The following PCNX1 variants were observed in gnomAD, a reference collection of about 807,000 sequenced individuals.
PCNX1 encodes pecanex 1, also known as pecanex-like protein 1.
Under a neutral mutation model 242.2 loss-of-function variants are expected in PCNX1, and 78 were observed. The ratio of observed to expected loss-of-function variants is 0.32; its 90% CI spans 0.27 to 0.39. The LOEUF is 0.39. PCNX1 is among the 10% of genes least tolerant of loss of function. PCNX1 has a pLI of 1.00. For synonymous variants in PCNX1, 1,024 were observed against 1,032.9 expected, an observed-to-expected ratio of 0.99 and a Z score of 0.17; for missense variants, 2,581 against 2,856.5, an observed-to-expected ratio of 0.90 and a Z score of 2.20.
intron 1 of PCNX1, among the ~76,000 whole-genome samples, chr14:70,935,229 T>C (rs1351856194): frequency 6.6e-6 from 1 of 152,214 alleles, no homozygotes; most frequent in Non-Finnish European, 1.5e-5. Flanking sequence ...GTTCAAAGTC[T>C]TTTCTCTGTT....
chr14:70,976,292 A>G (rs2058683263), intron 5 of PCNX1, among the ~76,000 whole-genome samples: 2 of 152,036 alleles, frequency 1.3e-5, no homozygotes, highest in Admixed American at 1.3e-4. Flanking sequence ...TTACCAAGTT[A>G]GTAAGTTGGA....
rs1595530746 is a variant in PCNX1 at position 71,111,632 on chromosome 14, T to C, written c.*1697T>C. 1 of 152,144 alleles carries C rather than the reference T, an allele frequency of 6.6e-6. No individual in the cohort carries two copies. Among genetic ancestry groups the C allele is most frequent in the Non-Finnish European group, 1.5e-5 (1 of 67,972 alleles). The allele number at this position is 152,144 out of a possible 1,614,324, so 9.4% of individuals were successfully genotyped here. ...TAGATCTCACATTATAGCATAACAT[T>C]ACAGTAGAAGGAATGAAAACTAAGA... On this transcript the variant is annotated 3_prime_UTR_variant, in exon 36 of 36. Coordinates refer to ENST00000304743, the MANE Select transcript of PCNX1 (RefSeq NM_014982.3).
intron 1 of PCNX1, among the ~76,000 whole-genome samples, chr14:70,913,869 T>C (rs913167588): frequency 3.3e-5 from 5 of 152,228 alleles, no homozygotes; most frequent in African/African-American, 9.6e-5. Context: ...ATTGTACATA[T>C]GATTTTTAAG....
At chr14:70,962,856 C>G (rs1219978332) in intron 3 of PCNX1, among the ~76,000 whole-genome samples, 2 of 152,174 alleles carry the variant, frequency 1.3e-5, no homozygotes, top group African/African-American at 4.8e-5. Context: ...CTCTAGTCCT[C>G]TTATTCATCC....
intron 1 of PCNX1, among the ~76,000 whole-genome samples, chr14:70,936,639 A>G (rs755029306): frequency 6.6e-6 from 1 of 152,238 alleles, no homozygotes; most frequent in Non-Finnish European, 1.5e-5. Context: ...TCATTTGGCT[A>G]AGTACCCAGT....
chr14:71,063,429 C>T (rs2061371866), intron 26 of PCNX1, among the ~76,000 whole-genome samples: 2 of 152,164 alleles, frequency 1.3e-5, no homozygotes, highest in South Asian at 4.1e-4. Flanking sequence ...ACCTATCACA[C>T]ACAGCAATTA....
intron 5 of PCNX1, among the ~76,000 whole-genome samples, chr14:70,973,018 A>G (rs1018992308): frequency 6.6e-6 from 1 of 152,140 alleles, no homozygotes; most frequent in East Asian, 1.9e-4. Context: ...TCGAGAGGCC[A>G]AGGTGGGAGT....
At chr14:70,999,939 T>TTAGATCTCTAAGTAAGGGATCCCTAA in intron 8 of PCNX1, among the ~76,000 whole-genome samples, 1 of 152,316 alleles carries the variant, frequency 6.6e-6, no homozygotes, top group Middle Eastern at 3.4e-3. Context: ...GTCAGAGGAC[T>TTAGATCTCTAAGTAAGGGATCCCTAA]GTAAGGGATC....
At chr14:70,956,297 C>CT (rs1177886722) in intron 2 of PCNX1, among the ~76,000 whole-genome samples, 1 of 152,116 alleles carries the variant, frequency 6.6e-6, no homozygotes, top group Admixed American at 6.6e-5. Context: ...ATTCCCAGCA[C>CT]TTTGGGAGGC....
In PCNX1 at chr14:71,051,982, G is replaced by T; in HGVS notation, c.4547G>T (p.Arg1516Leu). The change falls in exon 24 of 36, where the codon CGA (arginine) becomes CTA (leucine). Residue 1516 changes from arginine (R) to leucine (L), a missense_variant. Arg to Leu is a moderately radical substitution (Grantham distance 102). Around this residue, in one of 9 missense-constraint regions of PCNX1, gnomAD observed 99 missense variants for 147.3 expected, o/e 0.67. Coordinates refer to ENST00000304743, the MANE Select transcript of PCNX1 (RefSeq NM_014982.3). ...GCAATATTCATCACTTCATATGTCC[G>T]ACCTGTGAAATTCTGGGAGAGAGAC... ...GSAIFITSYV[R>L]PVKFWERDYN... is the part of the protein sequence containing the mutation. The T allele has an allele frequency of 1.2e-6, 2 of 1,613,074 alleles. No homozygotes were observed. Among genetic ancestry groups the T allele is most frequent in the South Asian group, 2.2e-5 (2 of 90,986 alleles).
chr14:70,967,376 T>C (rs2058412092), intron 3 of PCNX1, among the ~76,000 whole-genome samples: 1 of 152,252 alleles, frequency 6.6e-6, no homozygotes, highest in South Asian at 2.1e-4. Context: ...TTTTCTTCTT[T>C]GAATCCATGA....
chr14:70,970,098 G>C (rs2058496564), intron 5 of PCNX1: 1 of 152,250 alleles, frequency 6.6e-6, no homozygotes, highest in Admixed American at 6.6e-5. Flanking sequence ...GGTGGCTGAT[G>C]CCTGTAACCC....
intron 2 of PCNX1, among the ~76,000 whole-genome samples, chr14:70,956,183 G>A (rs1200561741): frequency 1.3e-5 from 2 of 152,116 alleles, no homozygotes; most frequent in Admixed American, 6.5e-5. Context: ...AAATAATGGT[G>A]TTTACTTTCG....
At chr14:71,021,679 G>T (rs2140780739) in intron 12 of PCNX1, among the ~76,000 whole-genome samples, 1 of 152,200 alleles carries the variant, frequency 6.6e-6, no homozygotes, top group Middle Eastern at 3.4e-3. Context: ...TTGCTAAATT[G>T]CTTTTCTTAA....
Position 70,976,885 on chromosome 14 carries a change from A to G in PCNX1, c.605-57A>G, listed in dbSNP as rs1054950610. On this transcript the variant is annotated intron_variant, in intron 5 of 35. Transcript: ENST00000304743. ...CAGTGAATTCTTTCCATTGTTAAAC[A>G]GTAGAAAAGCAGATCATACATTTAT... 175 of 1,428,126 alleles carry G rather than the reference A, an allele frequency of 1.2e-4. No individual in the cohort carries two copies. In the Admixed American group the frequency reaches 3.3e-3, roughly 27 times the overall value. 88.5% of individuals were successfully genotyped at this position (1,428,126 alleles called of 1,614,324 possible). A position where few individuals can be genotyped will look rare whatever the true frequency, so the allele number is the denominator to read the frequency against.
At chr14:71,095,878 T>G (rs1284075777) in intron 30 of PCNX1, among the ~76,000 whole-genome samples, 6 of 152,214 alleles carry the variant, frequency 3.9e-5, no homozygotes, top group African/African-American at 1.4e-4. Flanking sequence ...TTCATTTTCT[T>G]AAGAATATGA....
chr14:70,980,769 T>G (rs186913480), intron 6 of PCNX1, among the ~76,000 whole-genome samples: 8 of 152,132 alleles, frequency 5.3e-5, no homozygotes, highest in Non-Finnish European at 1.0e-4. Context: ...GTCTGACAAT[T>G]TAGAAGAAAT....
intron 26 of PCNX1, among the ~76,000 whole-genome samples, chr14:71,065,930 G>A (rs900828698): frequency 1.4e-4 from 21 of 152,040 alleles, no homozygotes; most frequent in Non-Finnish European, 7.4e-5. Flanking sequence ...TCGCAGATGC[G>A]TGGCATTATT....
intron 1 of PCNX1, among the ~76,000 whole-genome samples, chr14:70,911,817 T>C (rs2055925123): frequency 6.6e-6 from 1 of 152,190 alleles, no homozygotes; most frequent in Admixed American, 6.5e-5. Flanking sequence ...ATTGGAAGTG[T>C]TTCCTCTATA....
Sources: allele counts gnomAD v4.1 joint callset (sites outside exome capture counted in the v4.1 genomes callset), GRCh38; gene constraint gnomAD v4.1.1; regional missense constraint gnomAD v4.1.1; transcripts MANE v1.5; gene names NCBI Gene and HGNC (gene_info 2026-07-23, HGNC 2026-07-21).